CDH18: variants seen among roughly 807,000 people sequenced by gnomAD.
CDH18 encodes cadherin 18, also known as cadherin-18.
A neutral mutation model predicts 67.9 loss-of-function variants in CDH18; 31 were observed. The observed-to-expected ratio is 0.46, with a 90% confidence interval of 0.34 to 0.62. The LOEUF (loss-of-function observed/expected upper bound fraction) is 0.62. CDH18 is among the 20% of genes least tolerant of loss of function. The pLI is 0.01. For synonymous variants in CDH18, 362 were observed against 347.2 expected, an observed-to-expected ratio of 1.04 and a Z score of -0.48; for missense variants, 890 against 975.5, an observed-to-expected ratio of 0.91 and a Z score of 1.17.
intron 1 of CDH18, among the ~76,000 whole-genome samples, chr5:20,395,811 C>A (rs1162662253): frequency 6.6e-6 from 1 of 152,000 alleles, no homozygotes; most frequent in Non-Finnish European, 1.5e-5. Flanking sequence ...CCCACCCCTT[C>A]CACTTCCAGT....
intron 1 of CDH18, among the ~76,000 whole-genome samples, chr5:20,388,153 T>C (rs1744479238): frequency 6.6e-6 from 1 of 151,688 alleles, no homozygotes; most frequent in Non-Finnish European, 1.5e-5. Flanking sequence ...CACCAGTTCC[T>C]CCTTGTACCT....
intron 1 of CDH18, among the ~76,000 whole-genome samples, chr5:20,532,031 A>G (rs1561101629): frequency 1.3e-5 from 2 of 152,142 alleles, no homozygotes; most frequent in African/African-American, 4.8e-5. Context: ...GTATAACAAT[A>G]TACTAAAAAA....
intron 6 of CDH18, among the ~76,000 whole-genome samples, chr5:19,599,629 G>A (rs1243920226): frequency 6.6e-6 from 1 of 152,080 alleles, no homozygotes; most frequent in Non-Finnish European, 1.5e-5. Context: ...CCGGCCAGGC[G>A]TGGTGGCTCA....
rs532277162 is a variant in CDH18, at chr5:19,504,653, T to C, written c.1513-1544A>G. ...AATAAATATTTAAGCAGGCATTGCA[T>C]AGTCCCTCACTTCCTCCAACACATA... On this transcript the variant is annotated intron_variant, in intron 10 of 12. Coordinates refer to ENST00000382275, the MANE Select transcript of CDH18 (RefSeq NM_004934.5). Among the ~76,000 whole-genome samples the C allele has an allele frequency of 5.7e-4, 86 of 152,208 alleles. 1 individual carries two copies. The highest frequency in any genetic ancestry group is 2.0e-3 in the African/African-American group (85 of 41,564).
chr5:19,563,484 G>T (rs1406982422), intron 8 of CDH18, among the ~76,000 whole-genome samples: 2 of 152,132 alleles, frequency 1.3e-5, no homozygotes, highest in African/African-American at 4.8e-5. Context: ...AAGCTCTCTA[G>T]CTTCTTGTTT....
chr5:19,720,356 C>T (rs1765920619), intron 5 of CDH18, among the ~76,000 whole-genome samples: 1 of 152,132 alleles, frequency 6.6e-6, no homozygotes, highest in Non-Finnish European at 1.5e-5. Flanking sequence ...ATTCAGAATG[C>T]ATCTTGCGCT....
chr5:19,709,516 G>A (rs941261169), intron 5 of CDH18, among the ~76,000 whole-genome samples: 6 of 151,798 alleles, frequency 4.0e-5, no homozygotes, highest in Admixed American at 1.3e-4. Flanking sequence ...GCAGTGAGCC[G>A]AGATTTTGCC....
chr5:19,769,458 T>TAA (rs958222618), intron 3 of CDH18, among the ~76,000 whole-genome samples: 6 of 152,080 alleles, frequency 3.9e-5, no homozygotes, highest in Admixed American at 3.9e-4. Flanking sequence ...AACTAGCTGT[T>TAA]AAAAATGATG....
chr5:19,472,653 G>A lies in CDH18; in HGVS notation c.*573C>T, dbSNP rs1737748178. 6.6e-6 allele frequency among the ~76,000 whole-genome samples: 1 copy of A among 152,076 alleles called. No homozygotes were observed. Among genetic ancestry groups the A allele is most frequent in the African/African-American group, 2.4e-5 (1 of 41,414 alleles). The stretch of plus-strand genomic sequence containing the variant: ...GTTTTGTATGGAGAAAAGAACTGGG[G>A]AGGGCAAAGGGAAATGGTACATACA... On this transcript the variant is annotated 3_prime_UTR_variant, in exon 13 of 13. Transcript: ENST00000382275.
At chr5:20,202,308 T>C (rs890281184) in intron 2 of CDH18, among the ~76,000 whole-genome samples, 1 of 152,198 alleles carries the variant, frequency 6.6e-6, no homozygotes, top group African/African-American at 2.4e-5. Flanking sequence ...TAGTTTCTTT[T>C]GTTTTTGCTT....
intron 2 of CDH18, among the ~76,000 whole-genome samples, chr5:20,070,589 A>C (rs1481612543): frequency 6.6e-6 from 1 of 152,198 alleles, no homozygotes; most frequent in Non-Finnish European, 1.5e-5. Flanking sequence ...TTGCCAAATT[A>C]TTTGATGTGA....
At chr5:20,481,838 A>G (rs1393335940) in intron 1 of CDH18, among the ~76,000 whole-genome samples, 9 of 152,110 alleles carry the variant, frequency 5.9e-5, no homozygotes, top group Non-Finnish European at 1.3e-4. Context: ...ATAAGCACCT[A>G]TGTCAAAACA....
intron 1 of CDH18, among the ~76,000 whole-genome samples, chr5:20,489,243 C>T (rs534166677): frequency 6.6e-6 from 1 of 152,104 alleles, no homozygotes; most frequent in Admixed American, 6.6e-5. Context: ...ACTCCCCTCT[C>T]ACAATTTTAA....
At chr5:20,459,292 T>G (rs1281329012) in intron 1 of CDH18, among the ~76,000 whole-genome samples, 3 of 152,212 alleles carry the variant, frequency 2.0e-5, no homozygotes, top group Admixed American at 2.0e-4. Context: ...TTATGTTTCC[T>G]GTGGCCTTCC....
intron 2 of CDH18, among the ~76,000 whole-genome samples, chr5:20,117,715 C>A (rs1200106438): frequency 6.6e-6 from 1 of 152,140 alleles, no homozygotes; most frequent in East Asian, 1.9e-4. Flanking sequence ...TAAGTATTTT[C>A]AAACATTACT....
chr5:19,719,999 C>T (rs1404851818), intron 5 of CDH18, among the ~76,000 whole-genome samples: 1 of 151,818 alleles, frequency 6.6e-6, no homozygotes, highest in Non-Finnish European at 1.5e-5. Context: ...CCATTCATGC[C>T]AGTGTATTTC....
chr5:20,270,493 C>G (rs113866324), intron 1 of CDH18, among the ~76,000 whole-genome samples: 2 of 151,792 alleles, frequency 1.3e-5, no homozygotes, highest in Non-Finnish European at 2.9e-5. Flanking sequence ...CAGATTCTGG[C>G]GAGGTTGTGG....
chr5:20,309,157 A>AAGTT (rs1405538976), intron 1 of CDH18, among the ~76,000 whole-genome samples: 2 of 152,220 alleles, frequency 1.3e-5, no homozygotes, highest in Non-Finnish European at 1.5e-5. Flanking sequence ...GACAGATCAC[A>AAGTT]CTGCTACTGT....
At chr5:20,374,532 G>T (rs76812664) in intron 1 of CDH18, among the ~76,000 whole-genome samples, 2,875 of 152,182 alleles carry the variant, frequency 0.019, 76 homozygotes, top group East Asian at 0.076. Flanking sequence ...TGTAAAGGCT[G>T]AAACATTTCT....
Sources: allele counts gnomAD v4.1 joint callset (sites outside exome capture counted in the v4.1 genomes callset), GRCh38; gene constraint gnomAD v4.1.1; transcripts MANE v1.5; gene names NCBI Gene and HGNC (gene_info 2026-07-23, HGNC 2026-07-21).